The following ARB2A variants were observed in gnomAD, a reference collection of about 807,000 sequenced individuals.
The protein encoded by ARB2A is cotranscriptional regulator ARB2A.
chr5:93,818,781 G>GA, the ARB2A span, among the ~76,000 whole-genome samples: 3 of 152,124 alleles, frequency 2.0e-5, no homozygotes, highest in East Asian at 5.8e-4. Context: ...ACACCTGAAC[G>GA]AAAAAAGTAA....
chr5:94,034,640 C>A, the ARB2A span, among the ~76,000 whole-genome samples: 2 of 152,178 alleles, frequency 1.3e-5, no homozygotes, highest in Admixed American at 6.5e-5. Flanking sequence ...TCAAATTGCA[C>A]CAACTTTGCC....
At chr5:93,835,011 C>T in the ARB2A span, among the ~76,000 whole-genome samples, 1 of 152,164 alleles carries the variant, frequency 6.6e-6, no homozygotes, top group African/African-American at 2.4e-5. Context: ...TTAGAATATG[C>T]TAACGTACAA....
chr5:94,078,758 T>C, the ARB2A span, among the ~76,000 whole-genome samples: 1 of 152,032 alleles, frequency 6.6e-6, no homozygotes, highest in African/African-American at 2.4e-5. Context: ...AGGTTTGGAA[T>C]GAGAAATCTA....
At chr5:93,925,077 T>TA in the ARB2A span, among the ~76,000 whole-genome samples, 1 of 151,930 alleles carries the variant, frequency 6.6e-6, no homozygotes. Flanking sequence ...GTATGGTCAT[T>TA]AAAAAAAAGA....
At chr5:94,061,208 A>G in the ARB2A span, among the ~76,000 whole-genome samples, 1 of 152,184 alleles carries the variant, frequency 6.6e-6, no homozygotes, top group Non-Finnish European at 1.5e-5. Flanking sequence ...ACTGCACTCC[A>G]GCCTGGGCGA....
chr5:93,970,478 T>G, the ARB2A span, among the ~76,000 whole-genome samples: 1 of 152,152 alleles, frequency 6.6e-6, no homozygotes, highest in East Asian at 1.9e-4. Context: ...TGAAACATTT[T>G]AAAAGAAAAA....
At chr5:93,710,248 T>C in the ARB2A span, among the ~76,000 whole-genome samples, 2 of 152,192 alleles carry the variant, frequency 1.3e-5, no homozygotes, top group African/African-American at 4.8e-5. Context: ...TTTAATAGTT[T>C]AAAAATTTTT....
the ARB2A span, among the ~76,000 whole-genome samples, chr5:93,847,150 A>T: frequency 6.6e-6 from 1 of 152,220 alleles, no homozygotes; most frequent in Non-Finnish European, 1.5e-5. Context: ...GCAACTCCTC[A>T]TTCATTCAAG....
At chr5:94,000,774 T>C in the ARB2A span, among the ~76,000 whole-genome samples, 1 of 152,120 alleles carries the variant, frequency 6.6e-6, no homozygotes, top group Non-Finnish European at 1.5e-5. Flanking sequence ...AGAAGTTTTG[T>C]AGTTTTGCAT....
the ARB2A span, among the ~76,000 whole-genome samples, chr5:93,837,781 G>T: frequency 6.6e-6 from 1 of 151,940 alleles, no homozygotes; most frequent in Non-Finnish European, 1.5e-5. Context: ...GCATTTTTTC[G>T]TATGCTTGTT....
chr5:93,916,962 T>C, the ARB2A span, among the ~76,000 whole-genome samples: 1 of 151,980 alleles, frequency 6.6e-6, no homozygotes, highest in Non-Finnish European at 1.5e-5. Context: ...AAAAAGAAAA[T>C]AGAGCCATAA....
At chr5:93,955,062 T>C in the ARB2A span, among the ~76,000 whole-genome samples, 1 of 152,058 alleles carries the variant, frequency 6.6e-6, no homozygotes, top group Non-Finnish European at 1.5e-5. Context: ...GATTCAAGAG[T>C]GTCTTTCTTA....
At chr5:93,623,903 A>G in the ARB2A span, among the ~76,000 whole-genome samples, 36,892 of 152,094 alleles carry the variant, frequency 0.24, 6,165 homozygotes, top group African/African-American at 0.47. Context: ...AATACCATTC[A>G]GAAGTTGAAT....
At chr5:93,904,264 C>A in the ARB2A span, among the ~76,000 whole-genome samples, 1 of 151,758 alleles carries the variant, frequency 6.6e-6, no homozygotes, top group Non-Finnish European at 1.5e-5. Context: ...GCCTGATAGG[C>A]AACAAATTCT....
the ARB2A span, among the ~76,000 whole-genome samples, chr5:93,823,216 A>G: frequency 6.6e-6 from 1 of 152,208 alleles, no homozygotes; most frequent in African/African-American, 2.4e-5. Context: ...TCACTAATCC[A>G]TTATTAGAAT....
the ARB2A span, among the ~76,000 whole-genome samples, chr5:93,759,642 A>T: frequency 1.3e-5 from 2 of 152,244 alleles, no homozygotes; most frequent in African/African-American, 4.8e-5. Flanking sequence ...TTAAAAACAA[A>T]AATCACATGA....
the ARB2A span, among the ~76,000 whole-genome samples, chr5:93,837,189 C>T: frequency 2.6e-5 from 4 of 152,150 alleles, no homozygotes; most frequent in Admixed American, 1.3e-4. Flanking sequence ...GTTTAGCTCT[C>T]ACTTATAGGT....
the ARB2A span, among the ~76,000 whole-genome samples, chr5:93,822,184 T>C: frequency 1.3e-5 from 2 of 152,188 alleles, no homozygotes; most frequent in Admixed American, 6.5e-5. Flanking sequence ...AAACTTTAGC[T>C]CAGCTTGTGA....
chr5:93,991,531 T>G, the ARB2A span, among the ~76,000 whole-genome samples: 3 of 151,540 alleles, frequency 2.0e-5, no homozygotes, highest in Non-Finnish European at 2.9e-5. Flanking sequence ...ATTACAAAAG[T>G]GTTCAATCAC....
Sources: allele counts gnomAD v4.1 joint callset (sites outside exome capture counted in the v4.1 genomes callset), GRCh38; gene constraint gnomAD v4.1.1; transcripts MANE v1.5; gene names NCBI Gene and HGNC (gene_info 2026-07-23, HGNC 2026-07-21).